LOC128462377: variants seen among roughly 807,000 people sequenced by gnomAD.
At chr16:89,371,729 G>A in the LOC128462377 span, among the ~76,000 whole-genome samples, 2 of 152,202 alleles carry the variant, frequency 1.3e-5, no homozygotes, top group East Asian at 1.9e-4. Context: ...TGTGGAGGGC[G>A]ATGCGGACTC....
At chr16:89,375,247 G>T in the LOC128462377 span, among the ~76,000 whole-genome samples, 1 of 152,116 alleles carries the variant, frequency 6.6e-6, no homozygotes, top group Non-Finnish European at 1.5e-5. Flanking sequence ...TCGTCTCCGC[G>T]TGAGCAGCTG....
chr16:89,390,655 G>A, the LOC128462377 span, among the ~76,000 whole-genome samples: 555 of 152,164 alleles, frequency 3.6e-3, 3 homozygotes, highest in African/African-American at 0.013. Flanking sequence ...AGGTAAAGAA[G>A]AACAGGCAAA....
At chr16:89,411,740 C>T in the LOC128462377 span, among the ~76,000 whole-genome samples, 1 of 152,166 alleles carries the variant, frequency 6.6e-6, no homozygotes, top group Non-Finnish European at 1.5e-5. Context: ...ACAGTAAGCA[C>T]ATCCCAAATC....
At chr16:89,398,144 TGAAGA>T in the LOC128462377 span, among the ~76,000 whole-genome samples, 2 of 151,564 alleles carry the variant, frequency 1.3e-5, no homozygotes, top group African/African-American at 2.4e-5. Context: ...GTGAAACAGC[TGAAGA>T]CTACCTGTGA....
the LOC128462377 span, among the ~76,000 whole-genome samples, chr16:89,403,972 G>A: frequency 1.3e-5 from 2 of 152,118 alleles, no homozygotes; most frequent in African/African-American, 2.4e-5. Context: ...GCACAGAAAG[G>A]AGCAAGATTA....
chr16:89,344,107 C>T, the LOC128462377 span, among the ~76,000 whole-genome samples: 1 of 152,204 alleles, frequency 6.6e-6, no homozygotes, highest in Non-Finnish European at 1.5e-5. Flanking sequence ...TCAATCTCCT[C>T]ATCTATAGGC....
chr16:89,356,803 G>GA, the LOC128462377 span, among the ~76,000 whole-genome samples: 4 of 143,296 alleles, frequency 2.8e-5, no homozygotes, highest in Non-Finnish European at 4.6e-5. Context: ...AAAGAAAAAA[G>GA]AAAAAAAAAG....
chr16:89,355,477 A>G, the LOC128462377 span, among the ~76,000 whole-genome samples: 1 of 152,286 alleles, frequency 6.6e-6, no homozygotes, highest in African/African-American at 2.4e-5. Flanking sequence ...AAGAATTCAA[A>G]GCCATTTCAA....
the LOC128462377 span, among the ~76,000 whole-genome samples, chr16:89,403,090 C>T: frequency 0.022 from 3,320 of 152,306 alleles, 93 homozygotes; most frequent in East Asian, 0.14. Context: ...GCTGTCATCA[C>T]TGCACGTGGA....
chr16:89,415,357 C>T, the LOC128462377 span, among the ~76,000 whole-genome samples: 5 of 149,102 alleles, frequency 3.4e-5, no homozygotes, highest in Non-Finnish European at 7.4e-5. Context: ...CTCCGCCTCC[C>T]AGGTTCACGC....
chr16:89,358,480 G>C, the LOC128462377 span, among the ~76,000 whole-genome samples: 4 of 152,202 alleles, frequency 2.6e-5, no homozygotes, highest in African/African-American at 9.7e-5. Flanking sequence ...CAACACAAAG[G>C]ATAACTAGTT....
At chr16:89,401,682 A>C in the LOC128462377 span, among the ~76,000 whole-genome samples, 1 of 152,098 alleles carries the variant, frequency 6.6e-6, no homozygotes, top group East Asian at 1.9e-4. Flanking sequence ...CCTGGGAAAC[A>C]TGGTCTTTGC....
the LOC128462377 span, among the ~76,000 whole-genome samples, chr16:89,388,041 C>T: frequency 2.0e-5 from 3 of 151,802 alleles, no homozygotes; most frequent in African/African-American, 7.3e-5. Flanking sequence ...CTGTGCTCAT[C>T]TGTTAGGTTC....
the LOC128462377 span, among the ~76,000 whole-genome samples, chr16:89,404,192 G>A: frequency 6.6e-6 from 1 of 152,174 alleles, no homozygotes; most frequent in African/African-American, 2.4e-5. Context: ...CCAGCCTCAG[G>A]CAGCATGGGG....
the LOC128462377 span, among the ~76,000 whole-genome samples, chr16:89,394,223 G>A: frequency 4.6e-5 from 7 of 152,318 alleles, no homozygotes; most frequent in South Asian, 2.1e-4. Flanking sequence ...ACATGGGCAC[G>A]TTCTGGGACT....
At chr16:89,374,650 C>T in the LOC128462377 span, among the ~76,000 whole-genome samples, 1 of 152,190 alleles carries the variant, frequency 6.6e-6, no homozygotes, top group South Asian at 2.1e-4. Context: ...CCGCGTGCTA[C>T]GATCAGAGGA....
At chr16:89,414,401 G>A in the LOC128462377 span, among the ~76,000 whole-genome samples, 4 of 152,188 alleles carry the variant, frequency 2.6e-5, no homozygotes, top group South Asian at 2.1e-4. Context: ...TGGGAACCGC[G>A]TGCTGGGGTC....
the LOC128462377 span, chr16:89,323,191 A>T: frequency 1.5e-6 from 1 of 685,900 alleles, no homozygotes; most frequent in Non-Finnish European, 2.2e-6. Flanking sequence ...CACACCTCAC[A>T]GGGAGAGAAG....
chr16:89,417,617 C>T, the LOC128462377 span, among the ~76,000 whole-genome samples: 17 of 152,164 alleles, frequency 1.1e-4, no homozygotes, highest in Admixed American at 2.0e-4. Flanking sequence ...ACACACTGGT[C>T]TCCAGCTCCT....
Sources: gnomAD v4.1 joint callset for allele counts (sites outside exome capture counted in the v4.1 genomes callset) on GRCh38, gnomAD v4.1.1 for gene constraint, MANE v1.5 for transcripts.